Variants in ATP6V0A2 observed in about 807,000 individuals in gnomAD.
The protein encoded by ATP6V0A2 is ATPase H+ transporting V0 subunit a2.
Under a neutral mutation model 104.4 loss-of-function variants are expected in ATP6V0A2, and 58 were observed. The observed-to-expected ratio is 0.56, with a 90% CI of 0.45 to 0.69. The LOEUF is 0.69. Ranked by LOEUF, ATP6V0A2 falls within the 30% of genes least tolerant of loss-of-function variation. The probability of loss-of-function intolerance (pLI) is 0.00; values close to 1 mark genes in which losing one functional copy is unlikely to be tolerated. For missense variants in ATP6V0A2, 938 were observed against 1,062.9 expected (o/e 0.88, Z 1.63); for synonymous variants, 376 against 397.9 (o/e 0.95, Z 0.65).
intron 4 of ATP6V0A2, 136 bp from the exon 5 acceptor site, chr12:123,726,061 A>G (rs1956445820): frequency 5.9e-6 from 4 of 681,270 alleles, no homozygotes; most frequent in Non-Finnish European, 8.0e-6. Flanking sequence ...TTATAAATCT[A>G]AGTTACCTCA....
rs951291895 is a variant in ATP6V0A2 at position 123,753,613 on chromosome 12, T to C, written c.2176-807T>C. ...GGTTCTGTCTTCAAATACAGTCACA[T>C]TGCGGTTAGGGCTTCAGCATAAGAC... On this transcript the variant is annotated intron_variant, in intron 17 of 19. Coordinates refer to ENST00000330342, the MANE Select transcript of ATP6V0A2 (RefSeq NM_012463.4). 3.9e-5 allele frequency among the ~76,000 whole-genome samples: 6 copies of C among 152,364 alleles called. No homozygotes were observed. In the East Asian group the frequency reaches 7.7e-4, roughly 20 times the overall value.
chr12:123,756,274 TGTGCTTGTGGAAACCACCGGACAAGAGG>T (rs1956763178), intron 18 of ATP6V0A2: 1 of 151,468 alleles, frequency 6.6e-6, no homozygotes, highest in African/African-American at 2.4e-5. Flanking sequence ...AAGCACTGCC[TGTGCTTGTGGAAACCACCGGACAAGAGG>T]GTGTCTTTTT....
At chr12:123,713,041 A>G (rs573089060) in intron 1 of ATP6V0A2, among the ~76,000 whole-genome samples, 2 of 152,254 alleles carry the variant, frequency 1.3e-5, no homozygotes, top group African/African-American at 4.8e-5. Flanking sequence ...CCAAATAAAT[A>G]GGTCAACCAG....
intron 9 of ATP6V0A2, chr12:123,739,083 C>G (rs1034643076): frequency 3.3e-5 from 5 of 152,326 alleles, no homozygotes; most frequent in African/African-American, 1.2e-4. Flanking sequence ...TTGTGACTTT[C>G]AAGGTGGCTG....
In ATP6V0A2 at chr12:123,756,838, A is replaced by G. The variant is rs1414836585; in HGVS notation, c.2317A>G (p.Met773Val). ...HAQLSDVLWA[M>V]LMRVGLRVDT... ...AGAGTTGTCTGATGTCCTGTGGGCCATGCTGATGCGCGTGGGCCTCCGCGT... is the reference window on the plus strand; with the variant it reads ...AGAGTTGTCTGATGTCCTGTGGGCCGTGCTGATGCGCGTGGGCCTCCGCGT... Residue 773 changes from methionine to valine, a missense_variant, in exon 19 of 20, where the codon ATG becomes GTG. Transcript: ENST00000330342. 1 of 1,613,956 alleles carries G rather than the reference A, an allele frequency of 6.2e-7. No homozygotes were observed. The highest frequency in any genetic ancestry group is 1.3e-5 in the African/African-American group (1 of 74,928).
chr12:123,757,998 C>G lies in ATP6V0A2; in HGVS notation c.2537C>G (p.Ser846Ter), dbSNP rs757001815. 6.2e-7 allele frequency: 1 copy of G among 1,612,496 alleles called. No individual in the cohort carries two copies. Among genetic ancestry groups the G allele is most frequent in the South Asian group, 1.1e-5 (1 of 91,032 alleles). Residue 846 changes from serine to a stop codon, truncating the protein, a stop_gained, in exon 20 of 20, where the codon TCA becomes TGA. Transcript: ENST00000330342. LOFTEE classifies it high-confidence loss of function. ...GTTCCTTTCTCATTCAGTCTACTTT[C>G]ATCAAAGTTCAATAACGACGACAGT... ...KFVPFSFSLL[S>*]SKFNNDDSVA
intron 4 of ATP6V0A2, 76 bp downstream of exon 4, chr12:123,724,867 T>A (rs1593891018): frequency 1.6e-6 from 2 of 1,284,332 alleles, no homozygotes; most frequent in Non-Finnish European, 2.2e-6. Context: ...CCATAGGCTG[T>A]GTATTTTGCT....
chr12:123,747,552 T>C (rs1186430453), intron 13 of ATP6V0A2, 55 bp from the exon 14 acceptor site: 1 of 1,140,428 alleles, frequency 8.8e-7, no homozygotes, highest in South Asian at 1.2e-5. Flanking sequence ...TTCTTGAGTG[T>C]CACCTGTTGA....
In ATP6V0A2 at chr12:123,744,533, A is replaced by G. The variant is rs533454702; in HGVS notation, c.1327-64A>G. The G allele has an allele frequency of 3.7e-6, 6 of 1,604,128 alleles. No individual in the cohort carries two copies. The highest frequency in any genetic ancestry group is 2.3e-4 in the Middle Eastern group (1 of 4,444). ...AGTGAGTGGTGAGGGTCGTGCCCAC[A>G]CCGACAGCTGTCACATGGACACCCT... On this transcript the variant is annotated intron_variant, in intron 11 of 19. Transcript: ENST00000330342. The surrounding 1 kb of genome is among the most constrained non-coding windows in gnomAD (Gnocchi z 5.4).
At chr12:123,727,728 T>G in intron 5 of ATP6V0A2, 55 bp from the exon 6 acceptor site, 1 of 1,608,268 alleles carries the variant, frequency 6.2e-7, no homozygotes, top group Non-Finnish European at 8.5e-7. Context: ...CTTAATGTAG[T>G]TTGATAACAT....
chr12:123,752,509 A>G (rs927365518), intron 17 of ATP6V0A2, 107 bp downstream of exon 17: 3 of 1,390,558 alleles, frequency 2.2e-6, no homozygotes, highest in African/African-American at 1.5e-5. Flanking sequence ...GGTTAAGAAA[A>G]TGGGACTTCC....
chr12:123,738,350 C>T (rs1431880911), intron 9 of ATP6V0A2, among the ~76,000 whole-genome samples: 2 of 151,238 alleles, frequency 1.3e-5, no homozygotes, highest in African/African-American at 2.4e-5. Flanking sequence ...GCCAAGATGG[C>T]GCCATTGCAC....
rs375267623 is a variant in ATP6V0A2, at chr12:123,744,385, G to A, written c.1326+48G>A. ...TCATATATCTGGTTAGGTGGCATTA[G>A]CAGTGACCGAAAGAGAGACACCTCT... On this transcript the variant is annotated intron_variant, in intron 11 of 19. Transcript: ENST00000330342. This position sits in a 1 kb window ranked among gnomAD's most constrained non-coding sequence, Gnocchi z 5.4. The A allele has an allele frequency of 5.0e-6, 8 of 1,612,552 alleles. No homozygotes were observed. The highest frequency in any genetic ancestry group is 1.6e-4 in the Middle Eastern group (1 of 6,066).
At chr12:123,738,533 A>G (rs1179061095) in intron 9 of ATP6V0A2, among the ~76,000 whole-genome samples, 1 of 151,960 alleles carries the variant, frequency 6.6e-6, no homozygotes, top group Admixed American at 6.5e-5. Context: ...CAGTAAGAAT[A>G]TTTTCCCCAG....
chr12:123,748,630 A>G lies in ATP6V0A2; in HGVS notation c.1780A>G (p.Met594Val). 1 of 1,614,134 alleles carries G rather than the reference A, an allele frequency of 6.2e-7. No homozygotes were observed. The highest frequency in any genetic ancestry group is 8.5e-7 in the Non-Finnish European group (1 of 1,179,994). ...GGTTTCCATCCCGGAACTTCTCTTC[A>G]TGCTCTGTATCTTTGGATACCTTAT... ...YLVSIPELLF[M>V]LCIFGYLIFM... Residue 594 changes from methionine to valine, a missense_variant, in exon 15 of 20, where the codon ATG becomes GTG. By Grantham distance (21) the Met-to-Val change is conservative (BLOSUM62 1). Transcript: ENST00000330342.
intron 18 of ATP6V0A2, 83 bp from the exon 19 acceptor site, chr12:123,756,732 G>C: frequency 3.4e-6 from 5 of 1,468,308 alleles, no homozygotes; most frequent in Non-Finnish European, 4.7e-6. Flanking sequence ...GGGCCGTCAG[G>C]GGGAAACTCA....
intron 6 of ATP6V0A2, chr12:123,731,575 A>G (rs1956502007): frequency 6.8e-6 from 1 of 146,356 alleles, no homozygotes; most frequent in African/African-American, 2.6e-5. Context: ...CTGGGCTCAA[A>G]CGATCCTCCT....
At chr12:123,747,772 CA>C (rs1285216147) in intron 14 of ATP6V0A2, 47 bp downstream of exon 14, 2 of 1,301,896 alleles carry the variant, frequency 1.5e-6, no homozygotes, top group South Asian at 2.4e-5. Flanking sequence ...CCAAACTTGG[CA>C]TTTCTTCAAT....
At chr12:123,734,774 A>G (rs1350042177) in intron 7 of ATP6V0A2, among the ~76,000 whole-genome samples, 2 of 152,080 alleles carry the variant, frequency 1.3e-5, no homozygotes, top group East Asian at 3.8e-4. Flanking sequence ...TGTTTACTAG[A>G]ATTTGGTTCT....
Sources: allele counts gnomAD v4.1 joint callset (sites outside exome capture counted in the v4.1 genomes callset), GRCh38; gene constraint gnomAD v4.1.1; non-coding constraint Gnocchi (gnomAD v3.1); transcripts MANE v1.5; gene names NCBI Gene and HGNC (gene_info 2026-07-23, HGNC 2026-07-21).